ERG: variants seen among roughly 807,000 people sequenced by gnomAD.
ERG encodes the protein transcriptional regulator ERG.
A neutral mutation model predicts 55.3 loss-of-function variants in ERG; 9 were observed. That is an observed-to-expected ratio of 0.16 (90% confidence interval 0.10 to 0.28). The LOEUF (loss-of-function observed/expected upper bound fraction) is 0.28, where lower values mean the gene tolerates loss of function less well. Among genes scored for constraint, ERG ranks in the 10% least tolerant of loss-of-function variants. ERG has a pLI of 1.00. For synonymous variants in ERG, 223 were observed against 237.3 expected, an observed-to-expected ratio of 0.94 and a Z score of 0.55; for missense variants, 434 against 631.6, an observed-to-expected ratio of 0.69 and a Z score of 3.35.
In ERG at chr21:38,498,303, A is replaced by T; in HGVS notation, c.18+60T>A. 1 of 1,482,618 alleles carries T rather than the reference A, an allele frequency of 6.7e-7. No homozygotes were observed. The highest frequency in any genetic ancestry group is 9.4e-7 in the Non-Finnish European group (1 of 1,064,222). The allele number at this position is 1,482,618 out of a possible 1,614,324, so 91.8% of individuals were successfully genotyped here. A position where few individuals can be genotyped will look rare whatever the true frequency, so the allele number is the denominator to read the frequency against. On this transcript the variant is annotated intron_variant, in intron 1 of 9. Transcript: ENST00000288319. The surrounding 1 kb of genome is among the most constrained non-coding windows in gnomAD (Gnocchi z 4.6). ...TAACTTATCTGCCTTGATAAAGGAA[A>T]CCAAAGAAAAGAGTAACAAGAACAA... is the stretch of plus-strand genomic sequence containing the variant.
intron 2 of ERG, among the ~76,000 whole-genome samples, chr21:38,550,173 G>C (rs1341233630): frequency 3.9e-5 from 6 of 152,190 alleles, no homozygotes; most frequent in Non-Finnish European, 2.9e-5. Context: ...CCTGGTTGCT[G>C]AGTCACAGGA....
chr21:38,594,377 C>A (rs150300308), intron 1 of ERG, among the ~76,000 whole-genome samples: 4 of 152,354 alleles, frequency 2.6e-5, no homozygotes, highest in African/African-American at 9.6e-5. Flanking sequence ...TCCCCGTTAA[C>A]CCATGAAGCC....
chr21:38,435,950 A>G (rs1990422117), intron 2 of ERG, among the ~76,000 whole-genome samples: 1 of 151,894 alleles, frequency 6.6e-6, no homozygotes, highest in Non-Finnish European at 1.5e-5. Flanking sequence ...AATAGCCAGT[A>G]TGGTGCTTCA....
At chr21:38,614,771 G>T (rs999690386) in intron 1 of ERG, among the ~76,000 whole-genome samples, 9 of 152,232 alleles carry the variant, frequency 5.9e-5, no homozygotes, top group Non-Finnish European at 5.9e-5. Context: ...GAGTTGGGAA[G>T]AAAAGACACA....
chr21:38,380,389 T>C lies in ERG; in HGVS notation c.*3014A>G. 1 of 1,061,486 alleles carries C rather than the reference T, an allele frequency of 9.4e-7. No individual in the cohort carries two copies. The highest frequency in any genetic ancestry group is 1.1e-6 in the Non-Finnish European group (1 of 876,952). The allele number at this position is 1,061,486 out of a possible 1,614,324, so 65.8% of individuals were successfully genotyped here. A position where few individuals can be genotyped will look rare whatever the true frequency, so the allele number is the denominator to read the frequency against. Reference sequence around the variant, plus strand: ...GCACTTTGTGAACCCCTCCGGGACATAAGGGCATCAAACTAGGAACAAAAA... The same window carrying C: ...GCACTTTGTGAACCCCTCCGGGACACAAGGGCATCAAACTAGGAACAAAAA... On this transcript the variant is annotated 3_prime_UTR_variant, in exon 10 of 10. Transcript: ENST00000288319.
At chr21:38,459,355 A>T (rs1601433617) in intron 1 of ERG, among the ~76,000 whole-genome samples, 1 of 152,242 alleles carries the variant, frequency 6.6e-6, no homozygotes, top group African/African-American at 2.4e-5. Context: ...GGTCTAAGAC[A>T]GTTTTCCAAT....
At position 38,430,757 on chromosome 21, in the gene ERG, G is replaced by A. The variant is rs1338980203; in HGVS notation, c.237-7196C>T. On this transcript the variant is annotated intron_variant, in intron 2 of 9. Coordinates refer to ENST00000288319, the MANE Select transcript of ERG (RefSeq NM_182918.4). ...TCACAACTCCCTAGCAACACCCTTG[G>A]GGCCACACAGCCTCAAACTCCTGAG... Among the ~76,000 whole-genome samples the A allele has an allele frequency of 2.0e-5, 3 of 152,212 alleles. No individual in the cohort carries two copies. The East Asian group carries it at 5.8e-4, about 29-fold the overall frequency.
intron 1 of ERG, among the ~76,000 whole-genome samples, chr21:38,648,186 T>G (rs1229453946): frequency 6.6e-6 from 1 of 152,252 alleles, no homozygotes; most frequent in Non-Finnish European, 1.5e-5. Context: ...TCTCGCTTCC[T>G]TTGCCAGTGC....
At chr21:38,658,400 C>T (rs2060532115) in intron 1 of ERG, among the ~76,000 whole-genome samples, 2 of 152,180 alleles carry the variant, frequency 1.3e-5, no homozygotes, top group African/African-American at 4.8e-5. Flanking sequence ...CATTTATTCA[C>T]TATGACAATG....
At chr21:38,612,139 TC>T (rs1302521128) in intron 1 of ERG, among the ~76,000 whole-genome samples, 2 of 152,154 alleles carry the variant, frequency 1.3e-5, no homozygotes, top group African/African-American at 2.4e-5. Flanking sequence ...GTCCTGAAGA[TC>T]CAGCGACGTC....
At chr21:38,570,921 C>A (rs1413129648) in intron 2 of ERG, among the ~76,000 whole-genome samples, 1 of 152,020 alleles carries the variant, frequency 6.6e-6, no homozygotes, top group African/African-American at 2.4e-5. Context: ...AGCTGGTGAA[C>A]AACAAAGGCA....
chr21:38,409,792 T>C (rs1362609912), intron 3 of ERG, among the ~76,000 whole-genome samples: 3 of 152,248 alleles, frequency 2.0e-5, no homozygotes, highest in Non-Finnish European at 4.4e-5. Context: ...AAAGCTGGGC[T>C]CAGATCAACA....
upstream of ERG, among the ~76,000 whole-genome samples, chr21:38,588,120 C>T (rs957896883): frequency 6.6e-6 from 1 of 152,240 alleles, no homozygotes; most frequent in African/African-American, 2.4e-5. Flanking sequence ...GAGAAAGGCA[C>T]ACTACCAGCC....
At chr21:38,645,946 A>C (rs1368026936) in intron 1 of ERG, among the ~76,000 whole-genome samples, 1 of 152,106 alleles carries the variant, frequency 6.6e-6, no homozygotes, top group Non-Finnish European at 1.5e-5. Flanking sequence ...GCATCACCAC[A>C]CTTCCCACAT....
intron 1 of ERG, among the ~76,000 whole-genome samples, chr21:38,447,966 A>G (rs2058907240): frequency 6.6e-6 from 1 of 151,932 alleles, no homozygotes; most frequent in South Asian, 2.1e-4. Context: ...CTAAAAAGGA[A>G]ATGGCTGCAA....
In ERG at chr21:38,590,568, TCATCCATC is replaced by T. The variant is rs141969690; in HGVS notation, c.-149-5631_-149-5624del. ...CAAATCCATTCATTCATACAATTGTTCATCCATCCATCCATCCATCCATCCATCCATCC... is the reference window on the plus strand; with the variant it reads ...CAAATCCATTCATTCATACAATTGTTCATCCATCCATCCATCCATCCATCC... On this transcript the variant is annotated intron_variant, in intron 1 of 10. Transcript: ENST00000398910. 1.2e-4 allele frequency among the ~76,000 whole-genome samples: 18 copies of T among 150,446 alleles called. No homozygotes were observed. The Middle Eastern group carries it at 0.01, about 88-fold the overall frequency.
At position 38,622,080 on chromosome 21, in the gene ERG, C is replaced by T. The variant is rs1305576423; in HGVS notation, c.-149-37135G>A. ...AGCCCCAGCTGTCCCAGGACATGCA[C>T]GGGAGGAAAGGTGACCACGTGCTGT... On this transcript the variant is annotated intron_variant, in intron 1 of 10. Coordinates refer to the ERG transcript ENST00000398910. 1.2e-4 allele frequency among the ~76,000 whole-genome samples: 18 copies of T among 152,322 alleles called. No individual in the cohort carries two copies. In the East Asian group the frequency reaches 2.5e-3, roughly 21 times the overall value.
At chr21:38,439,308 A>G (rs749689236) in intron 2 of ERG, among the ~76,000 whole-genome samples, 2 of 152,194 alleles carry the variant, frequency 1.3e-5, no homozygotes, top group African/African-American at 2.4e-5. Context: ...CTTGTGGACC[A>G]TGAGTGAGCA....
intron 2 of ERG, among the ~76,000 whole-genome samples, chr21:38,568,836 C>A (rs116502324): frequency 6.6e-6 from 1 of 152,210 alleles, no homozygotes; most frequent in African/African-American, 2.4e-5. Flanking sequence ...TATGAACCCC[C>A]AGCCTCATCA....
Sources: allele counts gnomAD v4.1 joint callset (sites outside exome capture counted in the v4.1 genomes callset), GRCh38; gene constraint gnomAD v4.1.1; non-coding constraint Gnocchi (gnomAD v3.1); transcripts MANE v1.5; gene names NCBI Gene and HGNC (gene_info 2026-07-23, HGNC 2026-07-21).